Variants in STARD3NL observed in about 807,000 individuals in gnomAD.
The protein encoded by STARD3NL is STARD3 N-terminal like.
Under a neutral mutation model 30.9 loss-of-function variants are expected in STARD3NL, and 17 were observed. The ratio of observed to expected loss-of-function variants is 0.55; its 90% CI spans 0.38 to 0.82. STARD3NL has a LOEUF of 0.82. Among genes scored for constraint, STARD3NL ranks in the 40% least tolerant of loss-of-function variants. The pLI is 0.00. For missense variants in STARD3NL, 234 were observed against 277.6 expected (o/e 0.84, Z 1.12); for synonymous variants, 112 against 100.5 (o/e 1.11, Z -0.69).
rs749040997 is a variant in STARD3NL, at chr7:38,207,571, C to T, written c.67C>T (p.Arg23Cys). Reference sequence around the variant, plus strand: ...GAGCCAGAGCTCCCATGCTTCTCTGCGCAATATCCATTCCATCAACCCCAC... The same window carrying T: ...GAGCCAGAGCTCCCATGCTTCTCTGTGCAATATCCATTCCATCAACCCCAC... The part of the protein sequence containing the change: ...TGSQSSHASL[R>C]NIHSINPTQL... Residue 23 changes from arginine (R) to cysteine (C), a missense_variant, in exon 2 of 9, where the codon CGC becomes TGC. Arg to Cys is a radical substitution (Grantham distance 180). Transcript: ENST00000009041. 83 of 1,613,914 alleles carry T rather than the reference C, an allele frequency of 5.1e-5. No individual in the cohort carries two copies. Among genetic ancestry groups the T allele is most frequent in the Non-Finnish European group, 6.1e-5 (72 of 1,179,958 alleles).
At chr7:38,196,819 AAAT>A in intron 1 of STARD3NL, among the ~76,000 whole-genome samples, 1 of 152,102 alleles carries the variant, frequency 6.6e-6, no homozygotes, top group South Asian at 2.1e-4. Flanking sequence ...TTTTTAGAAA[AAAT>A]ATTTCTAAAA....
intron 1 of STARD3NL, among the ~76,000 whole-genome samples, chr7:38,195,094 G>T (rs1784846432): frequency 6.6e-6 from 1 of 152,134 alleles, no homozygotes; most frequent in Admixed American, 6.5e-5. Context: ...GTCTTGCTCT[G>T]TAGACCAGGC....
At position 38,178,272 on chromosome 7, in the gene STARD3NL, T is replaced by A. The variant is rs1314160819; in HGVS notation, c.-207T>A. The A allele has an allele frequency of 6.6e-6, 1 of 152,332 alleles. No homozygotes were observed. The highest frequency in any genetic ancestry group is 1.5e-5 in the Non-Finnish European group (1 of 68,176). The allele number at this position is 152,332 out of a possible 1,614,324, so 9.4% of individuals were successfully genotyped here. On this transcript the variant is annotated 5_prime_UTR_variant, in exon 1 of 9. Coordinates refer to ENST00000009041, the MANE Select transcript of STARD3NL (RefSeq NM_032016.4). ...CGTCACGGGCCGGAGGTCCCGGGGC[T>A]GCTGGGTGCGGGCGGTGGGCTGCGC... is the stretch of plus-strand genomic sequence containing the variant.
At chr7:38,196,329 TCTC>T (rs1297728630) in intron 1 of STARD3NL, among the ~76,000 whole-genome samples, 2 of 152,204 alleles carry the variant, frequency 1.3e-5, no homozygotes, top group African/African-American at 4.8e-5. Flanking sequence ...CATTCCCTCT[TCTC>T]CTCTTTAGAC....
intron 1 of STARD3NL, among the ~76,000 whole-genome samples, chr7:38,190,077 A>G (rs977198112): frequency 6.6e-6 from 1 of 152,140 alleles, no homozygotes; most frequent in East Asian, 1.9e-4. Context: ...GTACATTTCA[A>G]GCCCCCCCAG....
At chr7:38,218,413 G>A (rs1375300146) in intron 6 of STARD3NL, among the ~76,000 whole-genome samples, 1 of 152,174 alleles carries the variant, frequency 6.6e-6, no homozygotes, top group East Asian at 1.9e-4. Context: ...CTTCTATCCT[G>A]TGCCGTCTAT....
intron 7 of STARD3NL, among the ~76,000 whole-genome samples, chr7:38,222,317 G>A (rs746415520): frequency 3.1e-4 from 47 of 152,182 alleles, no homozygotes; most frequent in Non-Finnish European, 5.1e-4. Flanking sequence ...TCTGAAAGCA[G>A]CATACAACAC....
rs887845063 is a variant in STARD3NL at position 38,203,813 on chromosome 7, G to C, written c.-58-3634G>C. 2.0e-5 allele frequency among the ~76,000 whole-genome samples: 3 copies of C among 152,110 alleles called. No homozygotes were observed. In the South Asian group the frequency reaches 6.2e-4, roughly 32 times the overall value. On this transcript the variant is annotated intron_variant, in intron 1 of 8. Coordinates refer to ENST00000009041, the MANE Select transcript of STARD3NL (RefSeq NM_032016.4). Reference sequence around the variant, plus strand: ...ACCAAGCAAATGGAAAACAAAAAAAGGCAGGGGTTGCAATCTTAGGCTCTC... The same window carrying C: ...ACCAAGCAAATGGAAAACAAAAAAACGCAGGGGTTGCAATCTTAGGCTCTC...
chr7:38,193,337 C>T (rs931359722), intron 1 of STARD3NL, among the ~76,000 whole-genome samples: 3 of 151,896 alleles, frequency 2.0e-5, no homozygotes, highest in East Asian at 1.9e-4. Flanking sequence ...CTCGCTCTGT[C>T]GCTCAGGCTG....
intron 1 of STARD3NL, among the ~76,000 whole-genome samples, chr7:38,197,917 A>G (rs1784999545): frequency 6.6e-6 from 1 of 152,228 alleles, no homozygotes; most frequent in Non-Finnish European, 1.5e-5. Flanking sequence ...TGAGGGCTCT[A>G]AACAGGACTT....
Position 38,189,243 on chromosome 7 carries a change from A to T in STARD3NL, c.-59+10823A>T, listed in dbSNP as rs117958923. ...CAAATGAATATAAATAACACTGGAA[A>T]ATATGATGCCTAGAAAATAAAGATT... On this transcript the variant is annotated intron_variant, in intron 1 of 8. Transcript: ENST00000009041. Among the ~76,000 whole-genome samples, 186 of 152,336 alleles carry T rather than the reference A, an allele frequency of 1.2e-3. 2 individuals are homozygous for T. In the East Asian group the frequency reaches 0.029, roughly 23 times the overall value.
chr7:38,207,588 C>T lies in STARD3NL; in HGVS notation c.84C>T (p.Ile28=). 4 of 1,614,066 alleles carry T rather than the reference C, an allele frequency of 2.5e-6. No individual in the cohort carries two copies. The highest frequency in any genetic ancestry group is 3.4e-6 in the Non-Finnish European group (4 of 1,179,954). The change falls in exon 2 of 9, where the codon ATC becomes ATT. Residue 28 remains isoleucine, a synonymous_variant. Coordinates refer to ENST00000009041, the MANE Select transcript of STARD3NL (RefSeq NM_032016.4). ...SHASLRNIHS[I]NPTQLMARIE... ...CTTCTCTGCGCAATATCCATTCCATCAACCCCACACAACTCATGGCCAGGA... is the reference window on the plus strand; with the variant it reads ...CTTCTCTGCGCAATATCCATTCCATTAACCCCACACAACTCATGGCCAGGA...
rs763075810 is a variant in STARD3NL at position 38,217,318 on chromosome 7, C to T, written c.553+13C>T. 16 of 1,612,336 alleles carry T rather than the reference C, an allele frequency of 9.9e-6. No individual in the cohort carries two copies. Among genetic ancestry groups the T allele is most frequent in the Non-Finnish European group, 1.3e-5 (15 of 1,179,020 alleles). On this transcript the variant is annotated intron_variant, in intron 6 of 8. Coordinates refer to ENST00000009041, the MANE Select transcript of STARD3NL (RefSeq NM_032016.4). ...GAAGAAGAAAACAGTAAGTTCCTCT[C>T]AAAGTCAGCCTCCTGAGGCGGACTG...
chr7:38,179,824 T>C (rs556258003), intron 1 of STARD3NL, among the ~76,000 whole-genome samples: 64 of 152,196 alleles, frequency 4.2e-4, no homozygotes, highest in African/African-American at 1.3e-3. Flanking sequence ...CGAGGTGACA[T>C]TTTGGGTGAT....
At chr7:38,222,584 ATAG>A (rs1786532170) in intron 7 of STARD3NL, among the ~76,000 whole-genome samples, 1 of 152,222 alleles carries the variant, frequency 6.6e-6, no homozygotes, top group South Asian at 2.1e-4. Context: ...AGAACATAGA[ATAG>A]TAGTGATACG....
chr7:38,206,616 C>G (rs1785500945), intron 1 of STARD3NL, among the ~76,000 whole-genome samples: 2 of 152,160 alleles, frequency 1.3e-5, no homozygotes, highest in African/African-American at 4.8e-5. Context: ...TTGCATAGTG[C>G]TAAACTTTTT....
At chr7:38,222,632 T>C (rs1009725029) in intron 7 of STARD3NL, among the ~76,000 whole-genome samples, 1 of 152,192 alleles carries the variant, frequency 6.6e-6, no homozygotes, top group African/African-American at 2.4e-5. Flanking sequence ...CATCAAACTT[T>C]CTAGTTCTGG....
intron 1 of STARD3NL, among the ~76,000 whole-genome samples, chr7:38,180,149 C>T (rs192942989): frequency 6.6e-6 from 1 of 152,202 alleles, no homozygotes; most frequent in Non-Finnish European, 1.5e-5. Context: ...CTCTAGCCAA[C>T]TTTCTGCTTT....
At chr7:38,229,414 A>T in intron 8 of STARD3NL, among the ~76,000 whole-genome samples, 1 of 152,256 alleles carries the variant, frequency 6.6e-6, no homozygotes, top group East Asian at 1.9e-4. Flanking sequence ...TGTACATCCA[A>T]AGCAGTCATG....
Sources: allele counts gnomAD v4.1 joint callset (sites outside exome capture counted in the v4.1 genomes callset), GRCh38; gene constraint gnomAD v4.1.1; transcripts MANE v1.5; gene names NCBI Gene and HGNC (gene_info 2026-07-23, HGNC 2026-07-21).